NRG4: variants seen among roughly 807,000 people sequenced by gnomAD.
NRG4 encodes the protein pro-neuregulin-4, membrane-bound isoform.
In NRG4, 10 loss-of-function variants were observed where a neutral mutation model predicts 15.0. That is an observed-to-expected ratio of 0.67 (90% CI 0.41 to 1.13). NRG4 has a LOEUF of 1.13. Among genes scored for constraint, NRG4 ranks in the 50% most tolerant of loss-of-function variants. The pLI is 0.00. For missense variants in NRG4, 139 were observed against 140.2 expected (o/e 0.99, Z 0.04); for synonymous variants, 41 against 50.1 (o/e 0.82, Z 0.77).
At position 75,941,557 on chromosome 15, in the gene NRG4, T is replaced by C. The variant is rs2030956501; in HGVS notation, c.*2081A>G. ...AACAGATGAATGGATAGACAAAATG[T>C]GTTATATCCATACAATGGAATATTA... is the stretch of plus-strand genomic sequence containing the variant. On this transcript the variant is annotated 3_prime_UTR_variant, in exon 6 of 6. Transcript: ENST00000394907. 1 of 152,164 alleles carries C rather than the reference T, an allele frequency of 6.6e-6. No individual in the cohort carries two copies. Among genetic ancestry groups the C allele is most frequent in the African/African-American group, 2.4e-5 (1 of 41,444 alleles). 9.4% of individuals were successfully genotyped at this position (152,164 alleles called of 1,614,324 possible).
chr15:76,031,145 AG>A (rs2035460705), intron 5 of NRG4, among the ~76,000 whole-genome samples: 1 of 152,212 alleles, frequency 6.6e-6, no homozygotes, highest in African/African-American at 2.4e-5. Flanking sequence ...GATTCAAAAA[AG>A]GCATCTGATA....
At chr15:76,020,529 C>T (rs1002899589) in intron 5 of NRG4, among the ~76,000 whole-genome samples, 3 of 152,158 alleles carry the variant, frequency 2.0e-5, no homozygotes, top group South Asian at 2.1e-4. Context: ...CTTTTGACTT[C>T]CCTGGGCCAC....
At chr15:76,028,668 G>T (rs551380215) in intron 5 of NRG4, among the ~76,000 whole-genome samples, 17 of 152,052 alleles carry the variant, frequency 1.1e-4, no homozygotes, top group East Asian at 9.7e-4. Flanking sequence ...GGGAGGTTGA[G>T]GTGGGTGGAT....
Position 76,048,673 on chromosome 15 carries a change from C to T in NRG4, c.-105+3394G>A, listed in dbSNP as rs147095444. ...TGCTCCCCACCCTCACTACCCTAAG[C>T]GCTGCCTCTCATACATACCTGGGTC... On this transcript the variant is annotated intron_variant, in intron 4 of 8. Transcript: ENST00000563910. 1.9e-3 allele frequency among the ~76,000 whole-genome samples: 284 copies of T among 150,752 alleles called. 18 individuals are homozygous for T. Among genetic ancestry groups the T allele is most frequent in the African/African-American group, 6.0e-3 (244 of 40,394 alleles).
chr15:75,969,948 A>G (rs1049885743), intron 3 of NRG4, among the ~76,000 whole-genome samples: 2 of 152,190 alleles, frequency 1.3e-5, no homozygotes, highest in African/African-American at 4.8e-5. Context: ...GATGTTTAAA[A>G]GCATATGGTA....
At chr15:75,968,874 T>C (rs1359891325) in intron 3 of NRG4, among the ~76,000 whole-genome samples, 1 of 152,236 alleles carries the variant, frequency 6.6e-6, no homozygotes, top group Non-Finnish European at 1.5e-5. Context: ...AAAGTATCTA[T>C]ACATAGAAAT....
rs2034721748 is a variant in NRG4, at chr15:76,009,297, G to A, written c.11-4C>T. 3 of 1,482,666 alleles carry A rather than the reference G, an allele frequency of 2.0e-6. No individual in the cohort carries two copies. Among genetic ancestry groups the A allele is most frequent in the Non-Finnish European group, 2.8e-6 (3 of 1,082,146 alleles). The allele number at this position is 1,482,666 out of a possible 1,614,324, so 91.8% of individuals were successfully genotyped here. On this transcript the variant is annotated splice_polypyrimidine_tract_variant and splice_region_variant and intron_variant, in intron 2 of 5. Coordinates refer to ENST00000394907, the MANE Select transcript of NRG4 (RefSeq NM_138573.4). ...GGACCACAGGGCTCTTCGTGATCTA[G>A]AACACATACATATATAAAATAGAGA... is the stretch of plus-strand genomic sequence containing the variant.
chr15:75,994,838 T>A (rs1170206682), intron 3 of NRG4, among the ~76,000 whole-genome samples: 5 of 152,176 alleles, frequency 3.3e-5, no homozygotes, highest in African/African-American at 1.2e-4. Flanking sequence ...TCTTAGTCTA[T>A]TTGCATTGCT....
intron 1 of NRG4, among the ~76,000 whole-genome samples, chr15:76,059,094 A>T (rs2036229012): frequency 6.6e-6 from 1 of 152,184 alleles, no homozygotes. Flanking sequence ...ACAGCACATA[A>T]GCAGGTCGAC....
At chr15:76,056,896 T>C (rs902004759) in intron 2 of NRG4, 3 of 152,224 alleles carry the variant, frequency 2.0e-5, no homozygotes, top group Non-Finnish European at 4.4e-5. Context: ...TTTCCATTTA[T>C]GTGATCCTGG....
At chr15:75,979,196 C>G (rs1047580074) in intron 3 of NRG4, among the ~76,000 whole-genome samples, 1 of 152,082 alleles carries the variant, frequency 6.6e-6, no homozygotes, top group Non-Finnish European at 1.5e-5. Context: ...AAAATCTTTG[C>G]CCAGATCAGT....
chr15:75,969,215 A>C (rs1255899862), intron 3 of NRG4: 2 of 456,268 alleles, frequency 4.4e-6, no homozygotes, highest in Non-Finnish European at 4.4e-6. Context: ...AGCCAGCATC[A>C]GTTCACTTCC....
chr15:76,033,743 T>G (rs2141944640), intron 5 of NRG4, among the ~76,000 whole-genome samples: 1 of 152,306 alleles, frequency 6.6e-6, no homozygotes, highest in South Asian at 2.1e-4. Flanking sequence ...GATGGTCACT[T>G]CAGCTTTAAG....
At chr15:75,996,168 G>A (rs1338709525) in intron 3 of NRG4, among the ~76,000 whole-genome samples, 4 of 152,078 alleles carry the variant, frequency 2.6e-5, no homozygotes, top group Non-Finnish European at 5.9e-5. Context: ...GCAACATAAC[G>A]AGGCCACGTC....
chr15:75,967,071 G>A (rs961964719), intron 3 of NRG4, among the ~76,000 whole-genome samples: 8 of 141,290 alleles, frequency 5.7e-5, no homozygotes, highest in Non-Finnish European at 1.0e-4. Flanking sequence ...CTGAGATCGC[G>A]CCGCTGCACT....
intron 5 of NRG4, among the ~76,000 whole-genome samples, chr15:76,026,636 G>A (rs1032292708): frequency 1.3e-5 from 2 of 152,098 alleles, no homozygotes; most frequent in African/African-American, 4.8e-5. Context: ...AAAGGAGAAA[G>A]AGAAAGGATT....
chr15:76,034,833 C>T (rs2035562481), intron 5 of NRG4, among the ~76,000 whole-genome samples: 1 of 152,174 alleles, frequency 6.6e-6, no homozygotes, highest in Non-Finnish European at 1.5e-5. Context: ...TGGCGAACTG[C>T]ATCCCCACCA....
intron 2 of NRG4, among the ~76,000 whole-genome samples, chr15:76,054,793 T>C (rs149301805): frequency 2.6e-5 from 4 of 152,270 alleles, no homozygotes; most frequent in Non-Finnish European, 4.4e-5. Context: ...GTAAGTATTA[T>C]AGTACAAAAA....
chr15:75,962,026 G>A (rs1371045802), intron 3 of NRG4, 52 bp from the exon 4 acceptor site: 6 of 1,381,208 alleles, frequency 4.3e-6, no homozygotes, highest in Admixed American at 2.2e-5. Flanking sequence ...TCATTAGCTA[G>A]TTTGGAAGAA....
Sources: allele counts gnomAD v4.1 joint callset (sites outside exome capture counted in the v4.1 genomes callset), GRCh38; gene constraint gnomAD v4.1.1; transcripts MANE v1.5; gene names NCBI Gene and HGNC (gene_info 2026-07-23, HGNC 2026-07-21).